The following YIPF1 variants were observed in gnomAD, a reference collection of about 807,000 sequenced individuals.
The protein encoded by YIPF1 is protein YIPF1.
A neutral mutation model predicts 37.0 loss-of-function variants in YIPF1; 22 were observed. The observed-to-expected ratio is 0.59, with a 90% CI of 0.42 to 0.85. The LOEUF (loss-of-function observed/expected upper bound fraction) is 0.85, where lower values mean the gene tolerates loss of function less well. Ranked by LOEUF, YIPF1 falls within the 40% of genes least tolerant of loss-of-function variation. YIPF1 has a pLI of 0.00. For synonymous variants in YIPF1, 128 were observed against 131.9 expected, an observed-to-expected ratio of 0.97 and a Z score of 0.21; for missense variants, 355 against 373.1, an observed-to-expected ratio of 0.95 and a Z score of 0.40.
At chr1:53,867,570 C>T (rs1375634202) in intron 7 of YIPF1, among the ~76,000 whole-genome samples, 2 of 152,096 alleles carry the variant, frequency 1.3e-5, no homozygotes, top group East Asian at 3.9e-4. Flanking sequence ...GACGGGGTTT[C>T]ACCGTGTTAG....
chr1:53,866,111 T>G, intron 9 of YIPF1, 89 bp downstream of exon 9: 1 of 1,498,880 alleles, frequency 6.7e-7, no homozygotes, highest in Non-Finnish European at 9.0e-7. Context: ...ATGGACTCAA[T>G]TTTAAAAGAA....
chr1:53,873,628 T>C (rs1229749887), intron 6 of YIPF1, among the ~76,000 whole-genome samples: 2 of 150,760 alleles, frequency 1.3e-5, no homozygotes, highest in African/African-American at 2.4e-5. Flanking sequence ...CAGGGAGCTA[T>C]GATCATGCCT....
chr1:53,882,252 G>T (rs1048231607), intron 4 of YIPF1, among the ~76,000 whole-genome samples: 1 of 152,140 alleles, frequency 6.6e-6, no homozygotes, highest in Non-Finnish European at 1.5e-5. Flanking sequence ...GATCTGTGCA[G>T]CAAACCACTG....
chr1:53,872,553 C>T (rs1650220838), intron 6 of YIPF1, among the ~76,000 whole-genome samples: 1 of 152,136 alleles, frequency 6.6e-6, no homozygotes. Context: ...AGAAAAAGTA[C>T]TATGTAGAAC....
rs1008961099 is a variant in YIPF1, at chr1:53,866,273, T to C, written c.758A>G (p.Asp253Gly). 63 of 1,614,048 alleles carry C rather than the reference T, an allele frequency of 3.9e-5. No homozygotes were observed. The highest frequency in any genetic ancestry group is 6.7e-5 in the East Asian group (3 of 44,892). ...TGTGGCCAATGCAACGCGTCGGTTATCCTCACGAACAGCTGGCCAAAATGT... is the reference window on the plus strand; with the variant it reads ...TGTGGCCAATGCAACGCGTCGGTTACCCTCACGAACAGCTGGCCAAAATGT... ...AMTFWPAVRE[D>G]NRRVALATIV... Residue 253 changes from aspartate (D) to glycine (G), a missense_variant, in exon 9 of 11, where the codon GAT becomes GGT. By Grantham distance (94) the Asp-to-Gly change is moderately conservative. Coordinates refer to ENST00000072644, the MANE Select transcript of YIPF1 (RefSeq NM_018982.5).
At chr1:53,866,065 A>G in intron 9 of YIPF1, 135 bp downstream of exon 9, 4 of 1,131,624 alleles carry the variant, frequency 3.5e-6, no homozygotes, top group Non-Finnish European at 4.9e-6. Context: ...CTCCCAAAGT[A>G]TTGGGATTAT....
chr1:53,854,664 A>G (rs11206226), intron 10 of YIPF1, among the ~76,000 whole-genome samples: 5,019 of 152,282 alleles, frequency 0.033, 144 homozygotes, highest in East Asian at 0.12. Context: ...GGCGTATGAG[A>G]TGTAAAACTG....
chr1:53,869,778 A>G (rs1650127689), intron 7 of YIPF1, among the ~76,000 whole-genome samples: 4 of 152,144 alleles, frequency 2.6e-5, no homozygotes, highest in African/African-American at 9.7e-5. Flanking sequence ...ACGTTTTAAA[A>G]CAAGAATGTC....
intron 3 of YIPF1, among the ~76,000 whole-genome samples, chr1:53,887,998 T>G (rs1338672763): frequency 6.6e-6 from 1 of 152,148 alleles, no homozygotes; most frequent in African/African-American, 2.4e-5. Flanking sequence ...AAGGCCAAGA[T>G]GGGTGGATCA....
chr1:53,889,105 G>A (rs1427723042), intron 2 of YIPF1, 119 bp from the exon 3 acceptor site: 2 of 520,960 alleles, frequency 3.8e-6, no homozygotes, highest in East Asian at 2.9e-5. Context: ...GGGTTTAATA[G>A]GTTTATATAA....
chr1:53,888,111 A>G (rs1650704183), intron 3 of YIPF1, among the ~76,000 whole-genome samples: 1 of 152,198 alleles, frequency 6.6e-6, no homozygotes, highest in Non-Finnish European at 1.5e-5. Flanking sequence ...CTGTAGTTCC[A>G]GCTACTCAGA....
chr1:53,873,967 A>G (rs573718977), intron 6 of YIPF1, among the ~76,000 whole-genome samples: 1 of 152,286 alleles, frequency 6.6e-6, no homozygotes, highest in African/African-American at 2.4e-5. Context: ...CTGGAGAAAC[A>G]ATATTTTCAG....
intron 10 of YIPF1, among the ~76,000 whole-genome samples, chr1:53,852,829 G>C (rs895240463): frequency 6.6e-6 from 1 of 151,978 alleles, no homozygotes; most frequent in African/African-American, 2.4e-5. Flanking sequence ...TTAAAGGCGT[G>C]GTCAGAATTA....
chr1:53,874,322 T>C (rs191982342), intron 6 of YIPF1, among the ~76,000 whole-genome samples: 15 of 152,258 alleles, frequency 9.9e-5, no homozygotes, highest in African/African-American at 2.9e-4. Context: ...CCTACTCTTA[T>C]TATGGGTTGG....
chr1:53,853,814 A>C (rs569318871), intron 10 of YIPF1, among the ~76,000 whole-genome samples: 1 of 152,352 alleles, frequency 6.6e-6, no homozygotes, highest in South Asian at 2.1e-4. Context: ...CTGAAACGCT[A>C]AATAAAGGTA....
intron 9 of YIPF1, among the ~76,000 whole-genome samples, chr1:53,860,399 C>T (rs1002253376): frequency 1.2e-4 from 18 of 151,670 alleles, no homozygotes; most frequent in African/African-American, 4.3e-4. Flanking sequence ...CTCTTAATAA[C>T]CCTATGAGGT....
chr1:53,878,270 C>T (rs756124880), intron 6 of YIPF1, 45 bp downstream of exon 6: 2 of 1,597,756 alleles, frequency 1.3e-6, no homozygotes, highest in Non-Finnish European at 8.6e-7. Context: ...TCACACTCAC[C>T]CAAGTTCAAC....
intron 9 of YIPF1, among the ~76,000 whole-genome samples, chr1:53,863,576 T>A (rs762197729): frequency 2.0e-5 from 3 of 152,174 alleles, no homozygotes; most frequent in Non-Finnish European, 4.4e-5. Flanking sequence ...GCGCTGAGCA[T>A]CTCTCAGTCC....
At position 53,860,646 on chromosome 1, in the gene YIPF1, A is replaced by G. The variant is rs182896957; in HGVS notation, c.832-493T>C. ...GGCCTGGCACAGTATGTAACCAATC[A>G]ATACCTAATGAACTGAACTACATTA... is the stretch of plus-strand genomic sequence containing the variant. On this transcript the variant is annotated intron_variant, in intron 9 of 10. Coordinates refer to ENST00000072644, the MANE Select transcript of YIPF1 (RefSeq NM_018982.5). 7.4e-4 allele frequency among the ~76,000 whole-genome samples: 113 copies of G among 152,310 alleles called. 1 individual carries two copies. The highest frequency in any genetic ancestry group is 1.3e-3 in the Non-Finnish European group (90 of 68,022).
Sources: allele counts gnomAD v4.1 joint callset (sites outside exome capture counted in the v4.1 genomes callset), GRCh38; gene constraint gnomAD v4.1.1; transcripts MANE v1.5; gene names NCBI Gene and HGNC (gene_info 2026-07-23, HGNC 2026-07-21).